Variants in TSTD2 observed in about 807,000 individuals in gnomAD.
The protein encoded by TSTD2 is thiosulfate sulfurtransferase/rhodanese-like domain-containing protein 2.
TSTD2 carries 37 observed loss-of-function variants against 47.9 expected under a neutral mutation model. That is an observed-to-expected ratio of 0.77 (90% CI 0.59 to 1.02). The LOEUF (loss-of-function observed/expected upper bound fraction) is 1.02, where lower values mean the gene tolerates loss of function less well. TSTD2 is among the 50% of genes least tolerant of loss of function. The pLI is 0.00. For synonymous variants in TSTD2, 201 were observed against 215.9 expected (o/e 0.93, Z 0.61); for missense variants, 586 against 616.0 (o/e 0.95, Z 0.52).
At position 97,606,165 on chromosome 9, in the gene TSTD2, C is replaced by G; in HGVS notation, c.932G>C (p.Arg311Thr). The G allele has an allele frequency of 1.2e-6, 2 of 1,609,978 alleles. No homozygotes were observed. The highest frequency in any genetic ancestry group is 1.7e-6 in the Non-Finnish European group (2 of 1,178,390). Residue 311 changes from arginine (R) to threonine (T), a missense_variant, in exon 7 of 10, where the codon AGA (arginine) becomes ACA (threonine). Coordinates refer to ENST00000341170, the MANE Select transcript of TSTD2 (RefSeq NM_139246.5). Reference sequence around the variant, plus strand: ...TACTATTTTGCTTTCATAGAAGTTTCTGCAATCAAGAAGGATAGTATCACT... The same window carrying G: ...TACTATTTTGCTTTCATAGAAGTTTGTGCAATCAAGAAGGATAGTATCACT... Reference protein sequence around the residue: ...EQSDTILLDCRNFYESKIGRF... With the variant: ...EQSDTILLDCTNFYESKIGRF...
intron 9 of TSTD2, 39 bp downstream of exon 9, chr9:97,604,688 C>T: frequency 6.2e-7 from 1 of 1,612,240 alleles, no homozygotes. Context: ...TGACAATGTG[C>T]TTCATTTCAG....
chr9:97,613,489 G>A (rs1188328720), intron 4 of TSTD2, among the ~76,000 whole-genome samples: 1 of 151,478 alleles, frequency 6.6e-6, no homozygotes, highest in Non-Finnish European at 1.5e-5. Flanking sequence ...CCTGGTTAGG[G>A]GACATTAGAG....
chr9:97,621,591 C>T (rs921588458), intron 3 of TSTD2, among the ~76,000 whole-genome samples: 4 of 152,122 alleles, frequency 2.6e-5, no homozygotes, highest in African/African-American at 7.2e-5. Flanking sequence ...GTCCTATGGA[C>T]GGACACTCTG....
intron 1 of TSTD2, among the ~76,000 whole-genome samples, chr9:97,628,736 T>G (rs1826762267): frequency 6.6e-6 from 1 of 152,200 alleles, no homozygotes; most frequent in South Asian, 2.1e-4. Flanking sequence ...TGACTGAGGT[T>G]GGGTTCTCAA....
At chr9:97,632,701 T>C (rs181554560) in intron 1 of TSTD2, among the ~76,000 whole-genome samples, 12 of 152,322 alleles carry the variant, frequency 7.9e-5, no homozygotes, top group Admixed American at 7.2e-4. Flanking sequence ...AGGAGACTTT[T>C]AAACAAAGCA....
intron 3 of TSTD2, among the ~76,000 whole-genome samples, chr9:97,620,638 C>A (rs1196247443): frequency 6.6e-6 from 1 of 152,130 alleles, no homozygotes; most frequent in East Asian, 1.9e-4. Flanking sequence ...GAACTTCAGG[C>A]TGAGGTGGTC....
At chr9:97,608,921 G>A (rs1023389239) in intron 6 of TSTD2, among the ~76,000 whole-genome samples, 7 of 151,854 alleles carry the variant, frequency 4.6e-5, no homozygotes, top group African/African-American at 1.7e-4. Flanking sequence ...GAACACCATG[G>A]AGTCAACCAG....
At chr9:97,613,493 A>AT (rs112691433) in intron 4 of TSTD2, among the ~76,000 whole-genome samples, 3,765 of 152,224 alleles carry the variant, frequency 0.025, 166 homozygotes, top group African/African-American at 0.086. Context: ...GTTAGGGGAC[A>AT]TTAGAGCCTG....
intron 9 of TSTD2, 100 bp downstream of exon 9, chr9:97,604,627 G>C (rs976373059): frequency 7.1e-5 from 107 of 1,500,416 alleles, no homozygotes; most frequent in East Asian, 6.6e-4. Flanking sequence ...TCAGTGCTCA[G>C]TAATGAGCAC....
chr9:97,627,316 A>AG, intron 2 of TSTD2, 82 bp downstream of exon 2: 1 of 1,498,468 alleles, frequency 6.7e-7, no homozygotes, highest in East Asian at 2.3e-5. Flanking sequence ...CTTGAGCTGG[A>AG]GAGCAACCTT....
At chr9:97,622,386 GA>G (rs1826653673) in intron 3 of TSTD2, among the ~76,000 whole-genome samples, 1 of 152,248 alleles carries the variant, frequency 6.6e-6, no homozygotes, top group Non-Finnish European at 1.5e-5. Context: ...AGGATGTATG[GA>G]AACACCTGGA....
chr9:97,622,823 A>G (rs1826662544), intron 3 of TSTD2, among the ~76,000 whole-genome samples: 4 of 152,220 alleles, frequency 2.6e-5, no homozygotes, highest in African/African-American at 9.6e-5. Flanking sequence ...GTTTTGGCCA[A>G]TTTCTCCCAT....
At chr9:97,605,409 C>G in intron 8 of TSTD2, 74 bp downstream of exon 8, 2 of 1,581,912 alleles carry the variant, frequency 1.3e-6, no homozygotes, top group Non-Finnish European at 1.7e-6. Flanking sequence ...GGGCAGCGGA[C>G]AGCTCCACGT....
chr9:97,624,637 C>G (rs1206238227), intron 3 of TSTD2, among the ~76,000 whole-genome samples: 1 of 152,014 alleles, frequency 6.6e-6, no homozygotes, highest in African/African-American at 2.4e-5. Context: ...TACTTAAGTT[C>G]ATCCTGATGG....
intron 8 of TSTD2, 151 bp from the exon 9 acceptor site, chr9:97,605,016 CTG>C: frequency 7.1e-7 from 1 of 1,411,194 alleles, no homozygotes; most frequent in East Asian, 2.5e-5. Context: ...CTGCGGGACA[CTG>C]AGGAATTGCT....
intron 1 of TSTD2, among the ~76,000 whole-genome samples, chr9:97,628,583 CA>C (rs1424037640): frequency 6.6e-6 from 1 of 152,048 alleles, no homozygotes; most frequent in Non-Finnish European, 1.5e-5. Context: ...TTAAATTTAA[CA>C]TTAAAATTTT....
chr9:97,602,597 A>G lies in TSTD2; in HGVS notation c.1423T>C (p.Phe475Leu). 1 of 1,614,170 alleles carries G rather than the reference A, an allele frequency of 6.2e-7. No individual in the cohort carries two copies. The highest frequency in any genetic ancestry group is 8.5e-7 in the Non-Finnish European group (1 of 1,180,026). ...RKVSGPMQDS[F>L]KEECECTARR... is the part of the protein sequence containing the mutation. ...GCTGTGCACTCGCATTCCTCTTTAAAGCTGTCTTGCATAGGGCCTGAAACT... is the reference window on the plus strand; with the variant it reads ...GCTGTGCACTCGCATTCCTCTTTAAGGCTGTCTTGCATAGGGCCTGAAACT... Residue 475 changes from phenylalanine to leucine, a missense_variant, in exon 10 of 10, where the codon TTT (phenylalanine) becomes CTT (leucine). Transcript: ENST00000341170.
chr9:97,630,113 T>TA (rs1413185117), intron 1 of TSTD2, among the ~76,000 whole-genome samples: 1 of 152,180 alleles, frequency 6.6e-6, no homozygotes, highest in Non-Finnish European at 1.5e-5. Flanking sequence ...CTGAAAAACT[T>TA]AGTTTCCCTA....
chr9:97,603,808 T>G (rs1186755313), intron 9 of TSTD2, among the ~76,000 whole-genome samples: 1 of 152,184 alleles, frequency 6.6e-6, no homozygotes, highest in Non-Finnish European at 1.5e-5. Context: ...CAAGCAATCC[T>G]CCTGCCTCAG....
Sources: allele counts gnomAD v4.1 joint callset (sites outside exome capture counted in the v4.1 genomes callset), GRCh38; gene constraint gnomAD v4.1.1; transcripts MANE v1.5; gene names NCBI Gene and HGNC (gene_info 2026-07-23, HGNC 2026-07-21).